MTOR: variants seen among roughly 807,000 people sequenced by gnomAD.
MTOR encodes the protein mechanistic target of rapamycin kinase, also known as serine/threonine-protein kinase mTOR.
MTOR carries 70 observed loss-of-function variants against 319.8 expected under a neutral mutation model. The ratio of observed to expected loss-of-function variants is 0.22; its 90% CI spans 0.18 to 0.27. The LOEUF is 0.27. MTOR is among the 10% of genes least tolerant of loss of function. The probability of loss-of-function intolerance (pLI) is 1.00; values close to 1 mark genes in which losing one functional copy is unlikely to be tolerated. For synonymous variants in MTOR, 1,183 were observed against 1,211.4 expected, an observed-to-expected ratio of 0.98 and a Z score of 0.49; for missense variants, 1,890 against 3,274.4, an observed-to-expected ratio of 0.58 and a Z score of 10.32.
rs1272731515 is a variant in MTOR, at chr1:11,238,305, CGAA to C, written c.2002+94_2002+96del. ...ATAGCTGAATATCAGCTTTTTGAGC[CGAA>C]GAACTCTAGAGAGGCCATGTAATGA... On this transcript the variant is annotated intron_variant, in intron 12 of 57. Coordinates refer to ENST00000361445, the MANE Select transcript of MTOR (RefSeq NM_004958.4). 50 of 1,309,836 alleles carry C rather than the reference CGAA, an allele frequency of 3.8e-5. No homozygotes were observed. In the East Asian group the frequency reaches 6.8e-4, roughly 18 times the overall value. The allele number at this position is 1,309,836 out of a possible 1,614,324, so 81.1% of individuals were successfully genotyped here.
chr1:11,129,027 C>T lies in MTOR; in HGVS notation c.5715-76G>A. 1 of 1,245,826 alleles carries T rather than the reference C, an allele frequency of 8.0e-7. No homozygotes were observed. 77.2% of individuals were successfully genotyped at this position (1,245,826 alleles called of 1,614,324 possible). ...CTGCCTGTTTTTCATCTCTAAGGCT[C>T]CTGAGAAGAGAGCTGGCAGGGACTC... On this transcript the variant is annotated intron_variant, in intron 40 of 57. Transcript: ENST00000361445. This position sits in a 1 kb window ranked among gnomAD's most constrained non-coding sequence, Gnocchi z 4.7.
At chr1:11,249,808 A>G (rs1649368286) in intron 6 of MTOR, among the ~76,000 whole-genome samples, 3 of 149,640 alleles carry the variant, frequency 2.0e-5, no homozygotes, top group African/African-American at 7.4e-5. Flanking sequence ...AAAGTCTCCC[A>G]TGTCTACCTC....
Position 11,129,009 on chromosome 1 carries a change from T to G in MTOR, c.5715-58A>C. ...TAGTTTCCCAGTTTTTGCCTGCCTG[T>G]TTTTCATCTCTAAGGCTCCTGAGAA... On this transcript the variant is annotated intron_variant, in intron 40 of 57. Transcript: ENST00000361445. This position sits in a 1 kb window ranked among gnomAD's most constrained non-coding sequence, Gnocchi z 4.7. 7.1e-7 allele frequency: 1 copy of G among 1,417,842 alleles called. No homozygotes were observed. Among genetic ancestry groups the G allele is most frequent in the Non-Finnish European group, 9.8e-7 (1 of 1,018,464 alleles). The allele number at this position is 1,417,842 out of a possible 1,614,324, so 87.8% of individuals were successfully genotyped here.
rs35904498 is a variant in MTOR, at chr1:11,255,846, CA to C, written c.705+145del. 0.064 allele frequency: 33,608 copies of C among 525,156 alleles called. 45 individuals are homozygous for C. The highest frequency in any genetic ancestry group is 0.084 in the African/African-American group (3,299 of 39,164). 32.5% of individuals were successfully genotyped at this position (525,156 alleles called of 1,614,324 possible). On this transcript the variant is annotated intron_variant, in intron 5 of 57. Coordinates refer to ENST00000361445, the MANE Select transcript of MTOR (RefSeq NM_004958.4). ...TGGGCGACAAAGCAAGACTCCATCA[CA>C]AAAAAAAAAAAAAAAAAATTCATTT...
At chr1:11,146,841 G>A in intron 31 of MTOR, 50 bp from the exon 32 acceptor site, 2 of 1,287,802 alleles carry the variant, frequency 1.6e-6, no homozygotes, top group Non-Finnish European at 2.3e-6. Flanking sequence ...GGCTGGTTGG[G>A]CTAAAGGCAG....
At chr1:11,172,433 C>T (rs1644845988) in intron 28 of MTOR, among the ~76,000 whole-genome samples, 1 of 149,244 alleles carries the variant, frequency 6.7e-6, no homozygotes, top group Non-Finnish European at 1.5e-5. Flanking sequence ...TGGTGGGCGC[C>T]TGTATAGTCC....
At position 11,128,707 on chromosome 1, in the gene MTOR, T is replaced by C; in HGVS notation, c.5811+148A>G. 3 of 1,022,250 alleles carry C rather than the reference T, an allele frequency of 2.9e-6. No homozygotes were observed. Among genetic ancestry groups the C allele is most frequent in the Non-Finnish European group, 4.4e-6 (3 of 686,502 alleles). 63.3% of individuals were successfully genotyped at this position (1,022,250 alleles called of 1,614,324 possible). On this transcript the variant is annotated intron_variant, in intron 41 of 57. Transcript: ENST00000361445. This position sits in a 1 kb window ranked among gnomAD's most constrained non-coding sequence, Gnocchi z 5.3. The stretch of plus-strand genomic sequence containing the variant: ...TTTCTAAAAGAAAATAAAGAAAATA[T>C]GGACACTTGACACTGGGACCGAGCC...
In MTOR at chr1:11,115,330, T is replaced by C; in HGVS notation, c.7089+66A>G. ...AGTTTGGGCTTAAGTCTGCCTACAG[T>C]GTCAGAGGAGGGGGAAAAGTGATCA... On this transcript the variant is annotated intron_variant, in intron 51 of 57. Transcript: ENST00000361445. This position sits in a 1 kb window ranked among gnomAD's most constrained non-coding sequence, Gnocchi z 4.5. The C allele has an allele frequency of 6.7e-7, 1 of 1,499,648 alleles. No individual in the cohort carries two copies. Among genetic ancestry groups the C allele is most frequent in the Non-Finnish European group, 9.3e-7 (1 of 1,076,100 alleles). 92.9% of individuals were successfully genotyped at this position (1,499,648 alleles called of 1,614,324 possible).
chr1:11,120,487 G>C (rs554140327), intron 49 of MTOR, among the ~76,000 whole-genome samples: 1 of 150,954 alleles, frequency 6.6e-6, no homozygotes, highest in Non-Finnish European at 1.5e-5. Flanking sequence ...GCAGTGAGCC[G>C]AGATCTTGCC....
intron 4 of MTOR, 90 bp from the exon 5 acceptor site, chr1:11,256,282 C>T (rs1650392189): frequency 6.7e-7 from 1 of 1,498,716 alleles, no homozygotes; most frequent in East Asian, 2.5e-5. Flanking sequence ...GAGCCATACA[C>T]ACCAGGAACA....
intron 19 of MTOR, among the ~76,000 whole-genome samples, chr1:11,223,591 T>C (rs967240622): frequency 6.6e-6 from 1 of 151,916 alleles, no homozygotes; most frequent in African/African-American, 2.4e-5. Context: ...AAATAGTCTA[T>C]TACAAAATGT....
At position 11,161,080 on chromosome 1, in the gene MTOR, C is replaced by T. The variant is rs140984222; in HGVS notation, c.4330-3789G>A. ...TGGCACCTGGAAAATCGGGTCACTC[C>T]CACCCTAAAACTGCGCTTTTCCAAC... is the stretch of plus-strand genomic sequence containing the variant. On this transcript the variant is annotated intron_variant, in intron 29 of 57. Coordinates refer to ENST00000361445, the MANE Select transcript of MTOR (RefSeq NM_004958.4). Among the ~76,000 whole-genome samples the T allele has an allele frequency of 4.0e-3, 605 of 152,296 alleles. 5 individuals are homozygous for T. The highest frequency in any genetic ancestry group is 0.014 in the African/African-American group (593 of 41,556).
At position 11,137,180 on chromosome 1, in the gene MTOR, TG is replaced by T. The variant is rs1455867610; in HGVS notation, c.5130+2123del. Among the ~76,000 whole-genome samples, 18 of 109,260 alleles carry T rather than the reference TG, an allele frequency of 1.6e-4. No homozygotes were observed. In the Admixed American group the frequency reaches 1.8e-3, roughly 11 times the overall value. The allele number at this position is 109,260 out of a possible 152,430, so 71.7% of individuals were successfully genotyped here. A position where few individuals can be genotyped will look rare whatever the true frequency, so the allele number is the denominator to read the frequency against. ...AAAAAAAAAAAAAAAAAAAAAGAAT[TG>T]GGAGGCGGTAGTAAAAAAACTCAAT... is the stretch of plus-strand genomic sequence containing the variant. On this transcript the variant is annotated intron_variant, in intron 36 of 57. Coordinates refer to ENST00000361445, the MANE Select transcript of MTOR (RefSeq NM_004958.4).
At chr1:11,177,295 T>G (rs1249307028) in intron 28 of MTOR, among the ~76,000 whole-genome samples, 1 of 152,144 alleles carries the variant, frequency 6.6e-6, no homozygotes, top group African/African-American at 2.4e-5. Context: ...CGGTGGCTCA[T>G]GCCTGTAATC....
chr1:11,192,689 G>A (rs1195385775), intron 28 of MTOR, among the ~76,000 whole-genome samples: 2 of 149,526 alleles, frequency 1.3e-5, no homozygotes, highest in Non-Finnish European at 3.0e-5. Flanking sequence ...AGGTTGCAGT[G>A]AGCCGAGATC....
chr1:11,164,207 C>T (rs1432356173), intron 29 of MTOR, among the ~76,000 whole-genome samples: 7 of 151,572 alleles, frequency 4.6e-5, no homozygotes, highest in East Asian at 1.9e-4. Context: ...TGGTGGCGGG[C>T]GCCTGTAGTC....
intron 6 of MTOR, among the ~76,000 whole-genome samples, chr1:11,251,855 C>A (rs1010150936): frequency 5.9e-5 from 9 of 152,042 alleles, no homozygotes; most frequent in Non-Finnish European, 8.8e-5. Context: ...AATCTGACAA[C>A]CACTCTATGA....
intron 28 of MTOR, among the ~76,000 whole-genome samples, chr1:11,172,050 G>A (rs1441540017): frequency 1.3e-5 from 2 of 151,096 alleles, no homozygotes; most frequent in Middle Eastern, 3.4e-3. Flanking sequence ...AAAAAAAAGA[G>A]AGAGGGAGAG....
chr1:11,213,686 A>G (rs768848424), intron 20 of MTOR, 120 bp from the exon 21 acceptor site: 2 of 867,068 alleles, frequency 2.3e-6, no homozygotes, highest in East Asian at 2.5e-5. Flanking sequence ...GCCGAGATCA[A>G]CTCCTCACTC....
Sources: gnomAD v4.1 joint callset for allele counts (sites outside exome capture counted in the v4.1 genomes callset) on GRCh38, gnomAD v4.1.1 for gene constraint, Gnocchi (gnomAD v3.1) non-coding constraint, MANE v1.5 for transcripts, NCBI Gene and HGNC (gene_info 2026-07-23, HGNC 2026-07-21) for gene names.